SYNCRIP: variants seen among roughly 807,000 people sequenced by gnomAD.
SYNCRIP encodes synaptotagmin binding cytoplasmic RNA interacting protein.
In SYNCRIP, 9 loss-of-function variants were observed where a neutral mutation model predicts 68.9. The observed-to-expected ratio is 0.13, with a 90% CI of 0.08 to 0.23. The LOEUF (loss-of-function observed/expected upper bound fraction) is 0.23, where lower values mean the gene tolerates loss of function less well. Among genes scored for constraint, SYNCRIP ranks in the 10% least tolerant of loss-of-function variants. SYNCRIP has a pLI of 1.00. For missense variants in SYNCRIP, 414 were observed against 770.6 expected (o/e 0.54, Z 5.48); for synonymous variants, 258 against 254.0 (o/e 1.02, Z -0.15).
In SYNCRIP at chr6:85,614,142, T is replaced by C. The variant is rs563695005; in HGVS notation, c.*614A>G. The stretch of plus-strand genomic sequence containing the variant: ...CAAAACCCTTTAATTGGCCTTGACA[T>C]GCTATACAATTTGAACCAAATTTGC... On this transcript the variant is annotated 3_prime_UTR_variant, in exon 11 of 11. Transcript: ENST00000369622. 4.1e-6 allele frequency: 4 copies of C among 985,738 alleles called. No homozygotes were observed. Among genetic ancestry groups the C allele is most frequent in the Non-Finnish European group, 4.8e-6 (4 of 829,936 alleles). 61.1% of individuals were successfully genotyped at this position (985,738 alleles called of 1,614,324 possible). A position where few individuals can be genotyped will look rare whatever the true frequency, so the allele number is the denominator to read the frequency against.
chr6:85,640,074 T>TA (rs1489612126), intron 4 of SYNCRIP, 147 bp downstream of exon 4: 11 of 619,444 alleles, frequency 1.8e-5, no homozygotes, highest in Non-Finnish European at 3.1e-5. Context: ...ACAAATAGTT[T>TA]AAAAAAACTT....
chr6:85,637,459 C>A, intron 4 of SYNCRIP, 103 bp from the exon 5 acceptor site: 1 of 728,762 alleles, frequency 1.4e-6, no homozygotes, highest in East Asian at 2.6e-5. Flanking sequence ...ATTATCTTGG[C>A]ATGTTCCCTT....
intron 4 of SYNCRIP, 68 bp downstream of exon 4, chr6:85,640,153 G>C (rs964801023): frequency 9.4e-7 from 1 of 1,061,954 alleles, no homozygotes; most frequent in African/African-American, 1.6e-5. Context: ...CATACCCAAG[G>C]AATATTTACC....
At chr6:85,608,789 T>G (rs1468250955) in exon 12 of SYNCRIP, 1 of 152,054 alleles carries the variant, frequency 6.6e-6, no homozygotes, top group Non-Finnish European at 1.5e-5. Context: ...CTGCAAATTT[T>G]CAAACTGAAT....
chr6:85,642,493 G>A (rs1216033914), intron 1 of SYNCRIP, among the ~76,000 whole-genome samples: 3 of 152,238 alleles, frequency 2.0e-5, no homozygotes, highest in Admixed American at 1.3e-4. Flanking sequence ...CCACTCCCGC[G>A]CCGCGGCGAC....
At chr6:85,624,249 C>A (rs1251636255) in intron 6 of SYNCRIP, 137 bp from the exon 7 acceptor site, 1 of 788,752 alleles carries the variant, frequency 1.3e-6, no homozygotes, top group Non-Finnish European at 2.0e-6. Flanking sequence ...TTATGAGGAA[C>A]AGATTATATT....
At chr6:85,620,877 G>A (rs1806302486) in intron 8 of SYNCRIP, among the ~76,000 whole-genome samples, 1 of 152,108 alleles carries the variant, frequency 6.6e-6, no homozygotes. Flanking sequence ...CAATAAAAAA[G>A]ATAATTTTTC....
chr6:85,633,404 A>G (rs1208422994), intron 6 of SYNCRIP, among the ~76,000 whole-genome samples: 1 of 152,166 alleles, frequency 6.6e-6, no homozygotes, highest in Non-Finnish European at 1.5e-5. Flanking sequence ...CAGCCTGGCC[A>G]ACAGGGTGAA....
downstream of SYNCRIP, chr6:85,611,625 G>C (rs1359293351): frequency 6.6e-6 from 1 of 152,312 alleles, no homozygotes; most frequent in Non-Finnish European, 1.5e-5. Flanking sequence ...ATTTTTGAGG[G>C]TGGTTCAATA....
At chr6:85,640,758 T>G (rs966318538) in intron 2 of SYNCRIP, among the ~76,000 whole-genome samples, 194 bp from the exon 3 acceptor site, 2 of 151,842 alleles carry the variant, frequency 1.3e-5, no homozygotes, top group African/African-American at 2.4e-5. Flanking sequence ...CCAACCACAC[T>G]TACAATAATC....
intron 6 of SYNCRIP, among the ~76,000 whole-genome samples, chr6:85,635,491 C>T (rs1808333283): frequency 1.3e-5 from 2 of 151,986 alleles, no homozygotes; most frequent in African/African-American, 4.8e-5. Flanking sequence ...AAGACTTGGC[C>T]GGGTGCAGTG....
chr6:85,634,425 T>C (rs905995976), intron 6 of SYNCRIP, among the ~76,000 whole-genome samples: 1 of 152,178 alleles, frequency 6.6e-6, no homozygotes, highest in Non-Finnish European at 1.5e-5. Context: ...TGTTAAAAAA[T>C]GGATGACACC....
At position 85,637,114 on chromosome 6, in the gene SYNCRIP, T is replaced by C. The variant is rs376517479; in HGVS notation, c.519A>G (p.Leu173=). 77 of 1,612,714 alleles carry C rather than the reference T, an allele frequency of 4.8e-5. No individual in the cohort carries two copies. Among genetic ancestry groups the C allele is most frequent in the Non-Finnish European group, 6.1e-5 (72 of 1,179,740 alleles). Residue 173 remains leucine (L), a synonymous_variant, in exon 6 of 11, where the codon CTA becomes CTG. Coordinates refer to ENST00000369622, the MANE Select transcript of SYNCRIP (RefSeq NM_006372.5). Reference sequence around the variant, plus strand: ...ATAATGGAACAAGTTCATCCTCAAATAGATCTCTTGGGATCTTTCCCACAA... The same window carrying C: ...ATAATGGAACAAGTTCATCCTCAAACAGATCTCTTGGGATCTTTCCCACAA... The part of the protein sequence containing the change: ...EIFVGKIPRD[L]FEDELVPLFE...
chr6:85,625,513 G>A (rs556516583), intron 6 of SYNCRIP, among the ~76,000 whole-genome samples: 20 of 151,642 alleles, frequency 1.3e-4, no homozygotes, highest in East Asian at 1.2e-3. Context: ...TCTACCTCCC[G>A]AGTAGCTGTG....
rs556830601 is a variant in SYNCRIP, at chr6:85,632,798, G to C, written c.666+4169C>G. On this transcript the variant is annotated intron_variant, in intron 6 of 10. Coordinates refer to ENST00000369622, the MANE Select transcript of SYNCRIP (RefSeq NM_006372.5). Reference sequence around the variant, plus strand: ...CTCTACAAGTTTAAAAATTAGCCTAGCAAGGTGGTGCCCTCATAGTCCTAG... The same window carrying C: ...CTCTACAAGTTTAAAAATTAGCCTACCAAGGTGGTGCCCTCATAGTCCTAG... 4.6e-5 allele frequency among the ~76,000 whole-genome samples: 7 copies of C among 152,178 alleles called. No individual in the cohort carries two copies. In the East Asian group the frequency reaches 1.4e-3, roughly 29 times the overall value.
chr6:85,608,603 GGATA>G (rs1805004671), exon 12 of SYNCRIP: 1 of 151,844 alleles, frequency 6.6e-6, no homozygotes, highest in African/African-American at 2.4e-5. Context: ...TAAATTCTAC[GGATA>G]AATAAAACAC....
chr6:85,641,449 G>C lies in SYNCRIP; in HGVS notation c.-10C>G, dbSNP rs762855350. ...CATGTTCTGTAGCCATGTTTCCAGA[G>C]ATCTGTTCAAACGCAATAAGCAAAA... is the stretch of plus-strand genomic sequence containing the variant. On this transcript the variant is annotated splice_region_variant and 5_prime_UTR_variant, in exon 2 of 11. The change creates a new upstream start codon in the 5' untranslated region. Coordinates refer to ENST00000369622, the MANE Select transcript of SYNCRIP (RefSeq NM_006372.5). 1 of 1,609,966 alleles carries C rather than the reference G, an allele frequency of 6.2e-7. No homozygotes were observed. The highest frequency in any genetic ancestry group is 8.5e-7 in the Non-Finnish European group (1 of 1,178,540).
chr6:85,631,242 T>C (rs1275351421), intron 6 of SYNCRIP, among the ~76,000 whole-genome samples: 1 of 149,766 alleles, frequency 6.7e-6, no homozygotes, highest in Non-Finnish European at 1.5e-5. Flanking sequence ...ACTCAGTGGC[T>C]GAGGCAGAAC....
chr6:85,635,144 G>T (rs774741409), intron 6 of SYNCRIP, among the ~76,000 whole-genome samples: 1 of 152,106 alleles, frequency 6.6e-6, no homozygotes, highest in Non-Finnish European at 1.5e-5. Context: ...CAGCGTGGGT[G>T]ACAGAGACTT....
Sources: gnomAD v4.1 joint callset for allele counts (sites outside exome capture counted in the v4.1 genomes callset) on GRCh38, gnomAD v4.1.1 for gene constraint, MANE v1.5 for transcripts, NCBI Gene and HGNC (gene_info 2026-07-23, HGNC 2026-07-21) for gene names.